Variants in MYH15 observed in about 807,000 individuals in gnomAD.
MYH15 encodes myosin heavy chain 15.
Under a neutral mutation model 240.5 loss-of-function variants are expected in MYH15, and 227 were observed. The ratio of observed to expected loss-of-function variants is 0.94; its 90% CI spans 0.85 to 1.05. MYH15 has a LOEUF of 1.05. MYH15 is among the 50% of genes least tolerant of loss of function. The pLI is 0.00. For missense variants in MYH15, 2,217 were observed against 2,247.5 expected, an observed-to-expected ratio of 0.99 and a Z score of 0.27; for synonymous variants, 785 against 796.7, an observed-to-expected ratio of 0.99 and a Z score of 0.25.
At chr3:108,507,209 C>T (rs1008758727) in intron 1 of MYH15, among the ~76,000 whole-genome samples, 1 of 109,960 alleles carries the variant, frequency 9.1e-6, no homozygotes, top group African/African-American at 3.6e-5. Flanking sequence ...ATCATACTTT[C>T]CTTTTAAAGG....
rs759088952 is a variant in MYH15 at position 108,384,702 on chromosome 3, C to T, written c.5616G>A (p.Gln1872=). ...AGGCACTCACCGCCACCTCGACTTG[C>T]TGCTTGTAATTTTGCACTTTTAGCT... The part of the protein sequence containing the change: ...KLQLKVQNYK[Q]QVEVAETQAN... The change falls in exon 39 of 41, where the codon CAG becomes CAA. Residue 1872 remains glutamine, a synonymous_variant. Coordinates refer to ENST00000693548, the MANE Select transcript of MYH15 (RefSeq NM_014981.3). 4 of 1,613,704 alleles carry T rather than the reference C, an allele frequency of 2.5e-6. No individual in the cohort carries two copies. In the South Asian group the frequency reaches 3.3e-5, roughly 13 times the overall value.
At chr3:108,439,953 G>A in intron 23 of MYH15, 40 bp from the exon 24 acceptor site, 10 of 1,493,266 alleles carry the variant, frequency 6.7e-6, no homozygotes, top group Non-Finnish European at 8.1e-6. Context: ...AGCCACTGCT[G>A]GAAAGTTGGG....
chr3:108,470,021 A>G (rs376970125), intron 14 of MYH15, 21 bp downstream of exon 14: 6 of 1,587,282 alleles, frequency 3.8e-6, no homozygotes, highest in Non-Finnish European at 5.1e-6. Flanking sequence ...GAAAATGGAC[A>G]AAGAGAAAAA....
At chr3:108,550,012 T>C in the MYH15 span, 11 of 151,630 alleles carry the variant, frequency 7.3e-5, no homozygotes, top group African/African-American at 2.7e-4. Flanking sequence ...TTACTCTGCA[T>C]AATATTTTTT....
At chr3:108,469,637 A>T (rs1407349829) in intron 14 of MYH15, among the ~76,000 whole-genome samples, 1 of 152,172 alleles carries the variant, frequency 6.6e-6, no homozygotes, top group African/African-American at 2.4e-5. Context: ...TTTGCATGCT[A>T]ATTTGCCAAA....
In MYH15 at chr3:108,441,267, T is replaced by C. The variant is rs1191870353; in HGVS notation, c.2656-7A>G. On this transcript the variant is annotated splice_polypyrimidine_tract_variant and splice_region_variant and intron_variant, in intron 22 of 40. Coordinates refer to ENST00000693548, the MANE Select transcript of MYH15 (RefSeq NM_014981.3). ...TTGCCAGTGTCTCTTGCTCCTGCCATGATGAGGAGAAAATTGTTGCCAACA... is the reference window on the plus strand; with the variant it reads ...TTGCCAGTGTCTCTTGCTCCTGCCACGATGAGGAGAAAATTGTTGCCAACA... 2.5e-6 allele frequency: 4 copies of C among 1,613,266 alleles called. No individual in the cohort carries two copies. The highest frequency in any genetic ancestry group is 1.1e-5 in the South Asian group (1 of 91,052).
chr3:108,413,933 C>T (rs556905617), intron 30 of MYH15, among the ~76,000 whole-genome samples: 28 of 152,278 alleles, frequency 1.8e-4, no homozygotes, highest in South Asian at 6.2e-4. Context: ...TTTCACACCA[C>T]GGCTCAAAGT....
At position 108,504,641 on chromosome 3, in the gene MYH15, A is replaced by C. The variant is rs190655817; in HGVS notation, c.195+1082T>G. Among the ~76,000 whole-genome samples the C allele has an allele frequency of 1.1e-4, 16 of 152,352 alleles. No homozygotes were observed. The East Asian group carries it at 3.1e-3, about 29-fold the overall frequency. On this transcript the variant is annotated intron_variant, in intron 2 of 40. Transcript: ENST00000693548. Reference sequence around the variant, plus strand: ...GGAGTTTAGAGAAGTGAATATTGGCAGGGAATCATCTGTAAAATCTATAAG... The same window carrying C: ...GGAGTTTAGAGAAGTGAATATTGGCCGGGAATCATCTGTAAAATCTATAAG...
At chr3:108,492,883 G>C (rs1330368983) in intron 8 of MYH15, among the ~76,000 whole-genome samples, 3 of 151,958 alleles carry the variant, frequency 2.0e-5, no homozygotes, top group African/African-American at 7.3e-5. Context: ...CCAGGAATTC[G>C]AGGCTGCAGT....
chr3:108,496,611 C>A (rs1197580696), intron 6 of MYH15, among the ~76,000 whole-genome samples: 1 of 152,038 alleles, frequency 6.6e-6, no homozygotes, highest in Non-Finnish European at 1.5e-5. Context: ...ATATAGTATA[C>A]TGTACTCAAT....
chr3:108,420,188 TTTTAA>T (rs1180287531), intron 28 of MYH15, among the ~76,000 whole-genome samples: 3 of 152,238 alleles, frequency 2.0e-5, no homozygotes, highest in Non-Finnish European at 4.4e-5. Context: ...ATTTTTCTAC[TTTTAA>T]TTTATTTATC....
chr3:108,417,787 A>G (rs920292152), intron 28 of MYH15, among the ~76,000 whole-genome samples: 1 of 73,356 alleles, frequency 1.4e-5, no homozygotes, highest in African/African-American at 4.5e-5. Context: ...ACAGGTATGT[A>G]TATATATATA....
chr3:108,520,849 A>G (rs891040559), intron 1 of MYH15, among the ~76,000 whole-genome samples: 3 of 152,124 alleles, frequency 2.0e-5, no homozygotes, highest in Non-Finnish European at 2.9e-5. Flanking sequence ...TTCTGAGAAT[A>G]CTAAGAAAGA....
At chr3:108,487,147 G>A (rs1444553198) in intron 9 of MYH15, among the ~76,000 whole-genome samples, 3 of 152,194 alleles carry the variant, frequency 2.0e-5, no homozygotes, top group Admixed American at 2.0e-4. Flanking sequence ...CATAATCCAG[G>A]CTGAAGCAGA....
intron 7 of MYH15, 93 bp downstream of exon 7, chr3:108,495,687 C>T (rs908338194): frequency 1.9e-5 from 16 of 821,068 alleles, no homozygotes; most frequent in Non-Finnish European, 2.8e-5. Flanking sequence ...CTTTGGTGTT[C>T]TATAATTTTT....
At chr3:108,396,355 C>A (rs1015947731) in intron 35 of MYH15, among the ~76,000 whole-genome samples, 1 of 102,922 alleles carries the variant, frequency 9.7e-6, no homozygotes. Flanking sequence ...TGGGGGGAGA[C>A]GGTTTGGGGA....
chr3:108,402,635 T>C (rs2082514519), intron 33 of MYH15, among the ~76,000 whole-genome samples: 1 of 152,200 alleles, frequency 6.6e-6, no homozygotes, highest in Admixed American at 6.5e-5. Flanking sequence ...CACAGTATGA[T>C]AGAATAAAGA....
the MYH15 span, among the ~76,000 whole-genome samples, chr3:108,538,931 A>G: frequency 2.6e-5 from 4 of 152,162 alleles, no homozygotes; most frequent in Admixed American, 2.6e-4. Context: ...ATGGAAGGTG[A>G]GAGAAAGAAG....
chr3:108,492,523 AG>A lies in MYH15; in HGVS notation c.847del (p.Leu283TyrfsTer72). 1.2e-6 allele frequency: 2 copies of A among 1,613,014 alleles called. No individual in the cohort carries two copies. Among genetic ancestry groups the A allele is most frequent in the Non-Finnish European group, 1.7e-6 (2 of 1,179,154 alleles). On this transcript the variant is annotated frameshift_variant, in exon 9 of 41. Transcript: ENST00000693548. LOFTEE classifies it high-confidence loss of function. ...ERNYHIFYQI[L>X]SGQKELHDLL... ...ACCATGAAGCTCTTTTTGTCCAGAT[AG>A]AATTTGATAGAATATGTGGTAGTTC... is the stretch of plus-strand genomic sequence containing the variant.
Sources: gnomAD v4.1 joint callset for allele counts (sites outside exome capture counted in the v4.1 genomes callset) on GRCh38, gnomAD v4.1.1 for gene constraint, MANE v1.5 for transcripts, NCBI Gene and HGNC (gene_info 2026-07-23, HGNC 2026-07-21) for gene names.